The following SLC24A2 variants were observed in gnomAD, a reference collection of about 807,000 sequenced individuals.
The protein encoded by SLC24A2 is solute carrier family 24 member 2.
SLC24A2 carries 36 observed loss-of-function variants against 62.0 expected under a neutral mutation model. That is an observed-to-expected ratio of 0.58 (90% CI 0.44 to 0.77). The LOEUF is 0.77. Among genes scored for constraint, SLC24A2 ranks in the 30% least tolerant of loss-of-function variants. SLC24A2 has a pLI of 0.00. For synonymous variants in SLC24A2, 358 were observed against 294.0 expected (o/e 1.22, Z -2.23); for missense variants, 846 against 817.9 (o/e 1.03, Z -0.42).
the SLC24A2 span, among the ~76,000 whole-genome samples, chr9:20,255,149 T>C: frequency 6.6e-6 from 1 of 152,192 alleles, no homozygotes; most frequent in Non-Finnish European, 1.5e-5. Context: ...AAGTTCAGGG[T>C]TTAGCGTGTC....
chr9:20,263,655 T>C, the SLC24A2 span, among the ~76,000 whole-genome samples: 315 of 152,338 alleles, frequency 2.1e-3, 2 homozygotes, highest in African/African-American at 7.2e-3. Flanking sequence ...TGAATCACCA[T>C]GCACTACATG....
chr9:19,976,551 C>G, the SLC24A2 span, among the ~76,000 whole-genome samples: 1 of 152,234 alleles, frequency 6.6e-6, no homozygotes, highest in African/African-American at 2.4e-5. Context: ...GACTGCAGAA[C>G]TATGAGTCAA....
the SLC24A2 span, among the ~76,000 whole-genome samples, chr9:19,876,286 C>T: frequency 1.3e-5 from 2 of 151,782 alleles, no homozygotes; most frequent in Admixed American, 1.3e-4. Flanking sequence ...CAACAGTATC[C>T]CATGCCATCT....
intron 2 of SLC24A2, among the ~76,000 whole-genome samples, chr9:19,696,500 T>C (rs1455168544): frequency 6.6e-6 from 1 of 152,108 alleles, no homozygotes; most frequent in Non-Finnish European, 1.5e-5. Context: ...GTCTGGGAGG[T>C]TGGCAGGAAG....
At chr9:20,074,622 G>GAAGT in the SLC24A2 span, among the ~76,000 whole-genome samples, 2 of 136,002 alleles carry the variant, frequency 1.5e-5, no homozygotes, top group South Asian at 2.8e-4. Flanking sequence ...AGTGAGGGAG[G>GAAGT]GAGGGAGGGA....
the SLC24A2 span, among the ~76,000 whole-genome samples, chr9:19,856,719 T>G: frequency 1.3e-5 from 2 of 152,186 alleles, no homozygotes; most frequent in Non-Finnish European, 2.9e-5. Flanking sequence ...GAAATGCTCC[T>G]GTATAAGGTG....
intron 4 of SLC24A2, among the ~76,000 whole-genome samples, chr9:19,598,412 A>G (rs1244387573): frequency 1.3e-5 from 2 of 152,124 alleles, no homozygotes; most frequent in South Asian, 2.1e-4. Context: ...ATATTCGTGT[A>G]TTTCATATTT....
the SLC24A2 span, among the ~76,000 whole-genome samples, chr9:20,290,449 GC>G: frequency 6.6e-6 from 1 of 152,222 alleles, no homozygotes; most frequent in Non-Finnish European, 1.5e-5. Flanking sequence ...CTTCAGGCCA[GC>G]CTTGGCCAGC....
At chr9:20,002,678 T>C in the SLC24A2 span, among the ~76,000 whole-genome samples, 1 of 152,198 alleles carries the variant, frequency 6.6e-6, no homozygotes, top group Admixed American at 6.5e-5. Context: ...AACTCCAGAC[T>C]GGTGCACTCA....
the SLC24A2 span, among the ~76,000 whole-genome samples, chr9:19,991,023 CACAT>C: frequency 9.7e-6 from 1 of 103,320 alleles, no homozygotes; most frequent in Non-Finnish European, 1.9e-5. Context: ...CATACACACA[CACAT>C]ATATACACAC....
chr9:19,735,693 T>C (rs1435479905), intron 2 of SLC24A2, among the ~76,000 whole-genome samples: 1 of 151,996 alleles, frequency 6.6e-6, no homozygotes, highest in East Asian at 1.9e-4. Flanking sequence ...AAATGATGAG[T>C]TCATGTCCTT....
At chr9:20,052,483 T>C in the SLC24A2 span, among the ~76,000 whole-genome samples, 2 of 152,202 alleles carry the variant, frequency 1.3e-5, 1 homozygote, top group Non-Finnish European at 2.9e-5. Context: ...TCTTTGAAGG[T>C]TCAATTTGTC....
intron 2 of SLC24A2, among the ~76,000 whole-genome samples, chr9:19,781,746 TTTTA>T (rs767159918): frequency 6.6e-6 from 1 of 152,234 alleles, no homozygotes; most frequent in Non-Finnish European, 1.5e-5. Context: ...TAATACATCT[TTTTA>T]TTTAATATAA....
At position 19,724,022 on chromosome 9, in the gene SLC24A2, T is replaced by A. The variant is rs575764593; in HGVS notation, c.930+61915A>T. Among the ~76,000 whole-genome samples, 41 of 152,324 alleles carry A rather than the reference T, an allele frequency of 2.7e-4. No individual in the cohort carries two copies. The South Asian group carries it at 7.1e-3, about 26-fold the overall frequency. ...TTATAACCTAACTCATGATATAATC[T>A]GATTTGTGCTACACTCATAATAATG... On this transcript the variant is annotated intron_variant, in intron 2 of 10. Coordinates refer to ENST00000341998, the MANE Select transcript of SLC24A2 (RefSeq NM_020344.4).
the SLC24A2 span, among the ~76,000 whole-genome samples, chr9:20,262,765 G>C: frequency 7.2e-5 from 11 of 152,170 alleles, no homozygotes; most frequent in Admixed American, 2.6e-4. Flanking sequence ...CCTTCTGCTG[G>C]AATGTTCTCA....
the SLC24A2 span, among the ~76,000 whole-genome samples, chr9:20,288,895 AAG>A: frequency 2.6e-5 from 4 of 152,146 alleles, no homozygotes; most frequent in Admixed American, 6.5e-5. Context: ...AGGCCACATG[AAG>A]AGGTCATATG....
chr9:19,849,792 A>C, the SLC24A2 span, among the ~76,000 whole-genome samples: 3 of 152,200 alleles, frequency 2.0e-5, no homozygotes, highest in African/African-American at 7.2e-5. Flanking sequence ...ACCAACCTAA[A>C]ATGCAAAGAC....
At chr9:20,200,914 T>G in the SLC24A2 span, among the ~76,000 whole-genome samples, 1 of 152,240 alleles carries the variant, frequency 6.6e-6, no homozygotes, top group East Asian at 1.9e-4. Flanking sequence ...GTGGTAGTTT[T>G]GTTCTGTAGC....
chr9:20,039,041 C>G, the SLC24A2 span, among the ~76,000 whole-genome samples: 1 of 151,884 alleles, frequency 6.6e-6, no homozygotes, highest in African/African-American at 2.4e-5. Flanking sequence ...TAAGAGAGAA[C>G]AGATGTTAAA....
Sources: allele counts gnomAD v4.1 joint callset (sites outside exome capture counted in the v4.1 genomes callset), GRCh38; gene constraint gnomAD v4.1.1; transcripts MANE v1.5; gene names NCBI Gene and HGNC (gene_info 2026-07-23, HGNC 2026-07-21).